The following RIT2 variants were observed in gnomAD, a reference collection of about 807,000 sequenced individuals.
RIT2 encodes the protein GTP-binding protein Rit2.
Under a neutral mutation model 23.7 loss-of-function variants are expected in RIT2, and 24 were observed. The ratio of observed to expected loss-of-function variants is 1.01; its 90% confidence interval spans 0.73 to 1.43. The LOEUF (loss-of-function observed/expected upper bound fraction) is 1.43. Among genes scored for constraint, RIT2 ranks in the 40% most tolerant of loss-of-function variants. The pLI, the probability that RIT2 is intolerant of heterozygous loss-of-function variation, is 0.00. For synonymous variants in RIT2, 107 were observed against 91.1 expected (o/e 1.17, Z -0.99); for missense variants, 236 against 266.9 (o/e 0.88, Z 0.81).
intron 4 of RIT2, among the ~76,000 whole-genome samples, chr18:42,916,508 T>C (rs771974016): frequency 6.6e-6 from 1 of 152,128 alleles, no homozygotes; most frequent in South Asian, 2.1e-4. Context: ...GCAAAATCCA[T>C]GTGCGGAAGC....
chr18:43,085,446 A>G (rs1038872685), intron 1 of RIT2, among the ~76,000 whole-genome samples: 3 of 152,150 alleles, frequency 2.0e-5, no homozygotes, highest in African/African-American at 7.2e-5. Flanking sequence ...AATACTAAAA[A>G]GTATTCCCCT....
intron 1 of RIT2, among the ~76,000 whole-genome samples, chr18:43,097,833 A>G (rs1913591607): frequency 6.6e-6 from 1 of 151,972 alleles, no homozygotes; most frequent in African/African-American, 2.4e-5. Flanking sequence ...TACATAAATC[A>G]TAACCAAAGT....
chr18:42,893,552 T>C (rs1288372755), intron 4 of RIT2, among the ~76,000 whole-genome samples: 1 of 152,190 alleles, frequency 6.6e-6, no homozygotes, highest in Non-Finnish European at 1.5e-5. Flanking sequence ...TTCATACTTT[T>C]GCATTGGAGG....
intron 4 of RIT2, among the ~76,000 whole-genome samples, chr18:42,864,087 A>G (rs959765901): frequency 6.6e-6 from 1 of 152,152 alleles, no homozygotes; most frequent in African/African-American, 2.4e-5. Context: ...AACAGAGTCA[A>G]TCAGCCCTTT....
chr18:42,799,724 G>A lies in RIT2; in HGVS notation c.427-56004C>T, dbSNP rs940282210. ...AAGAACATGCTTCCCCATATTTTAC[G>A]TCTCCATCCATATTGGTTTTACTTT... On this transcript the variant is annotated intron_variant, in intron 4 of 4. Transcript: ENST00000326695. 3.3e-5 allele frequency among the ~76,000 whole-genome samples: 5 copies of A among 152,134 alleles called. No individual in the cohort carries two copies. In the East Asian group the frequency reaches 7.7e-4, roughly 24 times the overall value.
In RIT2 at chr18:43,088,501, G is replaced by A. The variant is rs568250797; in HGVS notation, c.103+26916C>T. Among the ~76,000 whole-genome samples the A allele has an allele frequency of 3.9e-5, 6 of 152,202 alleles. No homozygotes were observed. In the South Asian group the frequency reaches 8.3e-4, roughly 21 times the overall value. On this transcript the variant is annotated intron_variant, in intron 1 of 4. Transcript: ENST00000326695. ...AATTTTCCTCACAGTAAAAAAACTG[G>A]TGTAATTCAGGGCAAGAATAGAAAC...
At chr18:43,098,909 T>A (rs1387067809) in intron 1 of RIT2, among the ~76,000 whole-genome samples, 1 of 152,010 alleles carries the variant, frequency 6.6e-6, no homozygotes, top group Non-Finnish European at 1.5e-5. Flanking sequence ...CTCAGAGGAA[T>A]GAACAGTCAT....
intron 2 of RIT2, among the ~76,000 whole-genome samples, chr18:43,009,518 G>A (rs2144252291): frequency 6.6e-6 from 1 of 151,810 alleles, no homozygotes; most frequent in African/African-American, 2.4e-5. Flanking sequence ...GCAACAGAAA[G>A]TTGGTCATTG....
chr18:42,968,154 G>A (rs1020910442), intron 3 of RIT2, among the ~76,000 whole-genome samples: 2 of 152,126 alleles, frequency 1.3e-5, no homozygotes, highest in African/African-American at 2.4e-5. Flanking sequence ...GTCTTGTTCA[G>A]AATAGTGACT....
intron 1 of RIT2, among the ~76,000 whole-genome samples, chr18:43,057,505 G>A (rs527999884): frequency 1.9e-4 from 29 of 152,110 alleles, no homozygotes; most frequent in Non-Finnish European, 3.1e-4. Flanking sequence ...TGAATCTCAT[G>A]TTTCAACACA....
In RIT2 at chr18:42,885,537, G is replaced by T. The variant is rs919513009; in HGVS notation, c.426+38035C>A. Among the ~76,000 whole-genome samples, 5 of 152,278 alleles carry T rather than the reference G, an allele frequency of 3.3e-5. No individual in the cohort carries two copies. The East Asian group carries it at 9.7e-4, about 29-fold the overall frequency. ...GGAGGCAGAGCTTGCAGTGAGCCGAGATCGTGCCTCTGCGCTCCAGCCTGG... is the reference window on the plus strand; with the variant it reads ...GGAGGCAGAGCTTGCAGTGAGCCGATATCGTGCCTCTGCGCTCCAGCCTGG... On this transcript the variant is annotated intron_variant, in intron 4 of 4. Transcript: ENST00000326695.
At chr18:42,867,650 C>T (rs1263493609) in intron 4 of RIT2, among the ~76,000 whole-genome samples, 3 of 150,494 alleles carry the variant, frequency 2.0e-5, no homozygotes, top group South Asian at 2.1e-4. Flanking sequence ...AAAAAATAGC[C>T]GAGTGTGGTG....
chr18:42,889,854 C>T (rs1908124189), intron 4 of RIT2, among the ~76,000 whole-genome samples: 1 of 151,884 alleles, frequency 6.6e-6, no homozygotes, highest in African/African-American at 2.4e-5. Flanking sequence ...ATTTATAATC[C>T]ATTACATCAA....
At chr18:42,891,796 G>T (rs1029865035) in intron 4 of RIT2, among the ~76,000 whole-genome samples, 2 of 152,088 alleles carry the variant, frequency 1.3e-5, no homozygotes, top group African/African-American at 4.8e-5. Context: ...AAACTATTCA[G>T]TATGACACTA....
intron 4 of RIT2, among the ~76,000 whole-genome samples, chr18:42,873,184 G>A (rs1202240640): frequency 2.0e-5 from 3 of 151,966 alleles, no homozygotes; most frequent in Non-Finnish European, 2.9e-5. Flanking sequence ...GAATGTTGTT[G>A]GGCAATAAGA....
chr18:42,899,736 C>G (rs546189888), intron 4 of RIT2, among the ~76,000 whole-genome samples: 33 of 152,198 alleles, frequency 2.2e-4, no homozygotes, highest in Middle Eastern at 6.8e-3. Flanking sequence ...TGAAGCTCAG[C>G]TGTAGTGATT....
intron 2 of RIT2, among the ~76,000 whole-genome samples, chr18:43,019,346 G>A (rs564935927): frequency 8.7e-4 from 132 of 152,024 alleles, no homozygotes; most frequent in Middle Eastern, 3.4e-3. Flanking sequence ...ATATGATTAA[G>A]TGGCATTTAT....
chr18:43,112,447 C>T (rs187784685), intron 1 of RIT2, among the ~76,000 whole-genome samples: 26 of 152,280 alleles, frequency 1.7e-4, no homozygotes, highest in South Asian at 1.7e-3. Context: ...GTGCATAATA[C>T]GTGCTCAGTA....
chr18:43,102,246 T>G (rs1913700823), intron 1 of RIT2, among the ~76,000 whole-genome samples: 2 of 152,192 alleles, frequency 1.3e-5, no homozygotes, highest in South Asian at 2.1e-4. Flanking sequence ...TAATTCAGAA[T>G]TCAGTGTTGC....
Sources: allele counts gnomAD v4.1 joint callset (sites outside exome capture counted in the v4.1 genomes callset), GRCh38; gene constraint gnomAD v4.1.1; transcripts MANE v1.5; gene names NCBI Gene and HGNC (gene_info 2026-07-23, HGNC 2026-07-21).